Variants in UMAD1 observed in about 807,000 individuals in gnomAD.
UMAD1 encodes the protein UBAP1-MVB12-associated (UMA)-domain containing protein 1.
UMAD1 carries 8 observed loss-of-function variants against 6.1 expected under a neutral mutation model. That is an observed-to-expected ratio of 1.30 (90% confidence interval 0.76 to 2.35). The LOEUF (loss-of-function observed/expected upper bound fraction) is 2.35, where lower values mean the gene tolerates loss of function less well. UMAD1 is among the 30% of genes most tolerant of loss of function. The pLI is 0.00. For synonymous variants in UMAD1, 56 were observed against 31.4 expected (o/e 1.78, Z -2.61); for missense variants, 130 against 78.4 (o/e 1.66, Z -2.49).
At chr7:7,840,261 T>A (rs889971747) in intron 3 of UMAD1, among the ~76,000 whole-genome samples, 8 of 151,964 alleles carry the variant, frequency 5.3e-5, no homozygotes, top group Admixed American at 2.0e-4. Flanking sequence ...AGAAAAGGAT[T>A]TTGGAGGACA....
intron 2 of UMAD1, among the ~76,000 whole-genome samples, chr7:7,778,275 T>TGTGTGTGTGTGTGTGA (rs1271237125): frequency 2.7e-5 from 3 of 110,594 alleles, no homozygotes; most frequent in Non-Finnish European, 3.6e-5. Flanking sequence ...TGTGTGTGTG[T>TGTGTGTGTGTGTGTGA]GAGAGAGAGA....
chr7:7,680,104 G>T (rs979031926), intron 2 of UMAD1, among the ~76,000 whole-genome samples: 1 of 152,058 alleles, frequency 6.6e-6, no homozygotes, highest in African/African-American at 2.4e-5. Context: ...TATTACTCAA[G>T]AAATCTTTGT....
At position 7,830,361 on chromosome 7, in the gene UMAD1, G is replaced by T. The variant is rs11767180; in HGVS notation, c.156+28618G>T. Among the ~76,000 whole-genome samples the T allele has an allele frequency of 0.17, 26,054 of 151,986 alleles. 2,475 individuals are homozygous for T. The highest frequency in any genetic ancestry group is 0.18 in the Non-Finnish European group (12,037 of 67,958). ...TTTCCAGCCTAGAATGTGACTGTTT[G>T]CCCTGGAGCCTTTCCAGGTTCTCCC... On this transcript the variant is annotated intron_variant, in intron 3 of 3. Transcript: ENST00000682710. This position sits in a 1 kb window ranked among gnomAD's most constrained non-coding sequence, Gnocchi z 5.3.
chr7:7,742,149 G>A, intron 2 of UMAD1: 1 of 648,268 alleles, frequency 1.5e-6, no homozygotes, highest in African/African-American at 1.8e-5. Context: ...TTGAATATAT[G>A]CCTTCTCTCC....
At chr7:7,658,936 G>C (rs915315957) in intron 1 of UMAD1, among the ~76,000 whole-genome samples, 2 of 152,072 alleles carry the variant, frequency 1.3e-5, no homozygotes, top group African/African-American at 4.8e-5. Flanking sequence ...ATCTGTTCCT[G>C]GACTTTTTTT....
chr7:7,875,453 A>G (rs571841899), intron 3 of UMAD1, among the ~76,000 whole-genome samples: 58 of 152,348 alleles, frequency 3.8e-4, no homozygotes, highest in African/African-American at 1.3e-3. Flanking sequence ...CCAGACTAGT[A>G]AAGATGAAAA....
chr7:7,707,255 C>A (rs371312698), intron 2 of UMAD1, among the ~76,000 whole-genome samples: 76 of 152,232 alleles, frequency 5.0e-4, no homozygotes, highest in African/African-American at 1.8e-3. Context: ...TGTCTGCCTA[C>A]AATATTAATA....
intron 3 of UMAD1, among the ~76,000 whole-genome samples, chr7:7,845,830 A>G (rs559211265): frequency 1.5e-4 from 23 of 152,174 alleles, no homozygotes; most frequent in Non-Finnish European, 3.4e-4. Flanking sequence ...ATAAATTACA[A>G]ATTTTTATTG....
At chr7:7,806,585 A>G (rs1386464768) in intron 3 of UMAD1, among the ~76,000 whole-genome samples, 1 of 152,202 alleles carries the variant, frequency 6.6e-6, no homozygotes, top group Non-Finnish European at 1.5e-5. Context: ...TCTGTTTTCT[A>G]CTTTACATAA....
At chr7:7,683,194 C>T (rs577257695) in intron 2 of UMAD1, among the ~76,000 whole-genome samples, 1 of 152,248 alleles carries the variant, frequency 6.6e-6, no homozygotes, top group East Asian at 1.9e-4. Flanking sequence ...ATTTAGTTGA[C>T]TCAAACGTAA....
chr7:7,697,753 A>G (rs957441229), intron 2 of UMAD1, among the ~76,000 whole-genome samples: 1 of 152,040 alleles, frequency 6.6e-6, no homozygotes, highest in African/African-American at 2.4e-5. Flanking sequence ...AGGATATGAG[A>G]TTTACTGTAT....
chr7:7,694,522 C>T (rs576954637), intron 2 of UMAD1, among the ~76,000 whole-genome samples: 2 of 152,094 alleles, frequency 1.3e-5, no homozygotes, highest in East Asian at 3.9e-4. Flanking sequence ...TCTCCATTCC[C>T]CACCCCACCC....
At chr7:7,824,807 G>C (rs937868413) in intron 3 of UMAD1, among the ~76,000 whole-genome samples, 7 of 152,230 alleles carry the variant, frequency 4.6e-5, no homozygotes, top group African/African-American at 1.7e-4. Flanking sequence ...ATTTCATCCT[G>C]TTAAACTGGT....
In UMAD1 at chr7:7,731,532, C is replaced by T. The variant is rs558832184; in HGVS notation, c.82+58079C>T. ...CTAGAGGTATTGTTAAAACTAGAAT[C>T]AATAAGATTGGCTCATTTTGCATTC... On this transcript the variant is annotated intron_variant, in intron 2 of 3. Coordinates refer to ENST00000682710, the MANE Select transcript of UMAD1 (RefSeq NM_001302348.2). Among the ~76,000 whole-genome samples the T allele has an allele frequency of 6.9e-5, 10 of 143,932 alleles. No homozygotes were observed. In the Admixed American group the frequency reaches 7.0e-4, roughly 10 times the overall value. 94.4% of individuals were successfully genotyped at this position (143,932 alleles called of 152,430 possible). A position where few individuals can be genotyped will look rare whatever the true frequency, so the allele number is the denominator to read the frequency against.
Position 7,756,889 on chromosome 7 carries a change from G to T in UMAD1, c.83-44781G>T, listed in dbSNP as rs147377531. Among the ~76,000 whole-genome samples the T allele has an allele frequency of 2.0e-5, 3 of 152,324 alleles. No homozygotes were observed. In the East Asian group the frequency reaches 5.8e-4, roughly 29 times the overall value. ...GCCAGGGTTGAAGACCTCAGGCTTT[G>T]ATGTTGCTGAGTTTTCCTGGGAGTC... On this transcript the variant is annotated intron_variant, in intron 2 of 3. Coordinates refer to ENST00000682710, the MANE Select transcript of UMAD1 (RefSeq NM_001302348.2).
At chr7:7,701,737 C>T (rs569122263) in intron 2 of UMAD1, among the ~76,000 whole-genome samples, 2 of 152,170 alleles carry the variant, frequency 1.3e-5, no homozygotes, top group South Asian at 2.1e-4. Context: ...TTATCAGTTC[C>T]CCTTCATTCT....
chr7:7,656,381 T>G (rs2115082702), intron 1 of UMAD1, among the ~76,000 whole-genome samples: 1 of 152,270 alleles, frequency 6.6e-6, no homozygotes, highest in South Asian at 2.1e-4. Context: ...GTTTGTTTCA[T>G]AGGTATACAC....
At chr7:7,724,613 C>T (rs1482813393) in intron 2 of UMAD1, among the ~76,000 whole-genome samples, 1 of 152,218 alleles carries the variant, frequency 6.6e-6, no homozygotes, top group Non-Finnish European at 1.5e-5. Flanking sequence ...CATCCCCACT[C>T]AGCTCTCCTG....
intron 2 of UMAD1, among the ~76,000 whole-genome samples, chr7:7,695,539 G>C (rs1230534534): frequency 1.3e-5 from 2 of 151,998 alleles, no homozygotes; most frequent in Non-Finnish European, 2.9e-5. Flanking sequence ...TAAATGTTTA[G>C]TCTCAGAGCA....
Sources: allele counts gnomAD v4.1 joint callset (sites outside exome capture counted in the v4.1 genomes callset), GRCh38; gene constraint gnomAD v4.1.1; non-coding constraint Gnocchi (gnomAD v3.1); transcripts MANE v1.5; gene names NCBI Gene and HGNC (gene_info 2026-07-23, HGNC 2026-07-21).